Variants in TAF3 observed in about 807,000 individuals in gnomAD.
The protein encoded by TAF3 is transcription initiation factor TFIID subunit 3.
TAF3 carries 7 observed loss-of-function variants against 80.6 expected under a neutral mutation model. The observed-to-expected ratio is 0.09, with a 90% CI of 0.05 to 0.16. The LOEUF (loss-of-function observed/expected upper bound fraction) is 0.16. Ranked by LOEUF, TAF3 falls within the 10% of genes least tolerant of loss-of-function variation. TAF3 has a pLI of 1.00. For missense variants in TAF3, 921 were observed against 1,140.2 expected (o/e 0.81, Z 2.77); for synonymous variants, 444 against 446.1 (o/e 1.00, Z 0.06).
At chr10:7,976,857 C>T (rs1831678543) in intron 3 of TAF3, among the ~76,000 whole-genome samples, 1 of 152,122 alleles carries the variant, frequency 6.6e-6, no homozygotes, top group Non-Finnish European at 1.5e-5. Context: ...TAAACAGATG[C>T]TTTTATCTTA....
At chr10:8,001,612 G>A (rs1002234883) in intron 4 of TAF3, among the ~76,000 whole-genome samples, 1 of 152,016 alleles carries the variant, frequency 6.6e-6, no homozygotes. Context: ...TCCCTTTATG[G>A]TTTCAGCTTT....
chr10:7,973,246 AAC>A (rs1440965569), intron 3 of TAF3, among the ~76,000 whole-genome samples: 1 of 152,252 alleles, frequency 6.6e-6, no homozygotes, highest in Admixed American at 6.5e-5. Flanking sequence ...AAATGGGCCA[AAC>A]ACACAACTCA....
chr10:7,912,167 GC>G (rs1256266483), intron 2 of TAF3, among the ~76,000 whole-genome samples: 1 of 152,186 alleles, frequency 6.6e-6, no homozygotes, highest in Non-Finnish European at 1.5e-5. Flanking sequence ...AAATAAAAGA[GC>G]CAACAGTTAC....
chr10:7,828,900 G>GATGC, intron 2 of TAF3, among the ~76,000 whole-genome samples: 1 of 150,790 alleles, frequency 6.6e-6, no homozygotes, highest in Non-Finnish European at 1.5e-5. Flanking sequence ...TGGGTGTGGT[G>GATGC]GTGCCTGTAG....
intron 2 of TAF3, among the ~76,000 whole-genome samples, chr10:7,917,776 A>C (rs181427834): frequency 5.8e-4 from 89 of 152,284 alleles, no homozygotes; most frequent in African/African-American, 2.0e-3. Context: ...GAAAGATGGG[A>C]ATGAAGAAGG....
Position 7,965,579 on chromosome 10 carries a change from T to G in TAF3, c.2069T>G (p.Phe690Cys). 6.3e-7 allele frequency: 1 copy of G among 1,596,106 alleles called. No individual in the cohort carries two copies. Among genetic ancestry groups the G allele is most frequent in the Non-Finnish European group, 8.5e-7 (1 of 1,175,468 alleles). The change falls in exon 3 of 7, where the codon TTT becomes TGT. Residue 690 changes from phenylalanine to cysteine, a missense_variant. Physicochemically the swap from Phe to Cys is radical, Grantham distance 205. Coordinates refer to ENST00000344293, the MANE Select transcript of TAF3 (RefSeq NM_031923.4). ...SLLPVLPEKL[F>C]EEKEKVKEKE... ...TTGCCAGTGCTTCCGGAAAAACTGT[T>G]TGAGGAGAAAGAGAAGGTGAAGGAG...
intron 2 of TAF3, among the ~76,000 whole-genome samples, chr10:7,928,398 A>G (rs1837835887): frequency 6.6e-6 from 1 of 152,190 alleles, no homozygotes; most frequent in African/African-American, 2.4e-5. Context: ...TGGGCCACAT[A>G]AATGTGTTTT....
At chr10:7,885,947 T>C (rs1307234122) in intron 2 of TAF3, among the ~76,000 whole-genome samples, 1 of 152,134 alleles carries the variant, frequency 6.6e-6, no homozygotes, top group Non-Finnish European at 1.5e-5. Context: ...ATTACGTTTT[T>C]TGAGACAGTC....
chr10:8,002,888 C>T (rs1831957389), intron 4 of TAF3, among the ~76,000 whole-genome samples: 1 of 152,136 alleles, frequency 6.6e-6, no homozygotes, highest in Non-Finnish European at 1.5e-5. Context: ...AAATTTTAAA[C>T]TGTTATAGCT....
At chr10:7,829,528 G>A (rs957296477) in intron 2 of TAF3, among the ~76,000 whole-genome samples, 2 of 152,064 alleles carry the variant, frequency 1.3e-5, no homozygotes, top group Non-Finnish European at 2.9e-5. Context: ...GTATATTGTC[G>A]GATGCCCCTC....
At chr10:7,908,179 C>T (rs768411811) in intron 2 of TAF3, among the ~76,000 whole-genome samples, 15 of 152,114 alleles carry the variant, frequency 9.9e-5, no homozygotes, top group African/African-American at 1.4e-4. Context: ...TGTTCCAAAA[C>T]GAGTCACAAA....
At chr10:7,958,933 G>T (rs539566049) in intron 2 of TAF3, among the ~76,000 whole-genome samples, 1 of 152,268 alleles carries the variant, frequency 6.6e-6, no homozygotes, top group East Asian at 1.9e-4. Flanking sequence ...AGGACATCGA[G>T]ACCATCCTGG....
At chr10:8,012,394 G>T (rs12240458) in intron 5 of TAF3, among the ~76,000 whole-genome samples, 15,302 of 152,138 alleles carry the variant, frequency 0.1, 1,966 homozygotes, top group African/African-American at 0.3. Context: ...TGTTTTACAG[G>T]GATTAAATGA....
At chr10:7,850,629 T>G (rs900219896) in intron 2 of TAF3, among the ~76,000 whole-genome samples, 1 of 151,600 alleles carries the variant, frequency 6.6e-6, no homozygotes, top group Non-Finnish European at 1.5e-5. Flanking sequence ...TGAGCTGAGA[T>G]GGTGCCACTG....
At chr10:7,927,025 AC>A (rs1837822520) in intron 2 of TAF3, among the ~76,000 whole-genome samples, 1 of 152,182 alleles carries the variant, frequency 6.6e-6, no homozygotes. Flanking sequence ...TGGGGGATGA[AC>A]ACAGAAAACG....
intron 2 of TAF3, among the ~76,000 whole-genome samples, chr10:7,919,583 C>T (rs1447683078): frequency 2.6e-5 from 4 of 152,060 alleles, no homozygotes; most frequent in Non-Finnish European, 5.9e-5. Context: ...GCATTGGTTC[C>T]AGGACCCCCC....
At chr10:7,918,306 G>A (rs1426377775) in intron 2 of TAF3, among the ~76,000 whole-genome samples, 1 of 152,046 alleles carries the variant, frequency 6.6e-6, no homozygotes, top group Non-Finnish European at 1.5e-5. Flanking sequence ...GGAAGAGGTG[G>A]GATTGCCAGG....
intron 2 of TAF3, among the ~76,000 whole-genome samples, chr10:7,893,485 T>C (rs531245304): frequency 1.3e-5 from 2 of 152,354 alleles, no homozygotes; most frequent in African/African-American, 4.8e-5. Context: ...GAATCCCTTA[T>C]AAGATTTCCT....
intron 2 of TAF3, among the ~76,000 whole-genome samples, chr10:7,900,537 G>A (rs1206384515): frequency 6.6e-6 from 1 of 152,150 alleles, no homozygotes; most frequent in African/African-American, 2.4e-5. Flanking sequence ...AAGAAAACAA[G>A]CACACACCAA....
Sources: allele counts gnomAD v4.1 joint callset (sites outside exome capture counted in the v4.1 genomes callset), GRCh38; gene constraint gnomAD v4.1.1; transcripts MANE v1.5; gene names NCBI Gene and HGNC (gene_info 2026-07-23, HGNC 2026-07-21).